Variants in GRIN2A observed in about 807,000 individuals in gnomAD.
GRIN2A encodes the protein glutamate receptor ionotropic, NMDA 2A.
Under a neutral mutation model 113.4 loss-of-function variants are expected in GRIN2A, and 22 were observed. That is an observed-to-expected ratio of 0.19 (90% CI 0.14 to 0.28). The LOEUF is 0.28. Ranked by LOEUF, GRIN2A falls within the 10% of genes least tolerant of loss-of-function variation. The pLI is 1.00. For synonymous variants in GRIN2A, 827 were observed against 738.4 expected, an observed-to-expected ratio of 1.12 and a Z score of -1.94; for missense variants, 1,502 against 1,887.0, an observed-to-expected ratio of 0.80 and a Z score of 3.78.
intron 2 of GRIN2A, among the ~76,000 whole-genome samples, chr16:10,016,797 C>G (rs766174089): frequency 6.6e-6 from 1 of 152,206 alleles, no homozygotes; most frequent in African/African-American, 2.4e-5. Flanking sequence ...GGGCACCATC[C>G]CACTACCCCT....
intron 2 of GRIN2A, among the ~76,000 whole-genome samples, chr16:10,068,285 T>C (rs2047686345): frequency 6.6e-6 from 1 of 152,206 alleles, no homozygotes; most frequent in South Asian, 2.1e-4. Context: ...TATAAAGAAA[T>C]ACCTCAGACT....
intron 2 of GRIN2A, among the ~76,000 whole-genome samples, chr16:10,011,497 A>C (rs1482642687): frequency 6.6e-6 from 1 of 152,124 alleles, no homozygotes; most frequent in African/African-American, 2.4e-5. Flanking sequence ...ACCCAAATCA[A>C]CCACTCATTC....
intron 2 of GRIN2A, among the ~76,000 whole-genome samples, chr16:10,120,381 A>G (rs527595453): frequency 6.6e-6 from 1 of 152,292 alleles, no homozygotes; most frequent in South Asian, 2.1e-4. Flanking sequence ...TGCCAAGGTT[A>G]AATCTTGATA....
rs1403674919 is a variant in GRIN2A at position 10,125,648 on chromosome 16, AG to A, written c.414+54349del. ...GGTGGGAGGAAAAAAAAAAAAAAAAAGACTGTTCCGAGTCTCCCCTCCCTGG... is the reference window on the plus strand; with the variant it reads ...GGTGGGAGGAAAAAAAAAAAAAAAAAACTGTTCCGAGTCTCCCCTCCCTGG... On this transcript the variant is annotated intron_variant, in intron 2 of 12. Transcript: ENST00000330684. Among the ~76,000 whole-genome samples the A allele has an allele frequency of 2.9e-4, 19 of 66,544 alleles. 1 individual carries two copies. The South Asian group carries it at 0.014, about 48-fold the overall frequency. The allele number at this position is 66,544 out of a possible 152,430, so 43.7% of individuals were successfully genotyped here. A position where few individuals can be genotyped will look rare whatever the true frequency, so the allele number is the denominator to read the frequency against.
At chr16:10,096,559 C>CACACACACAA (rs1555478925) in intron 2 of GRIN2A, among the ~76,000 whole-genome samples, 2 of 151,580 alleles carry the variant, frequency 1.3e-5, no homozygotes, top group African/African-American at 4.9e-5. Context: ...CACACACACA[C>CACACACACAA]ACACACACAC....
intron 2 of GRIN2A, among the ~76,000 whole-genome samples, chr16:10,137,365 C>G (rs2049217477): frequency 6.6e-6 from 1 of 152,206 alleles, no homozygotes; most frequent in Non-Finnish European, 1.5e-5. Flanking sequence ...TCTAAAGTCA[C>G]ATTCTTGCCC....
intron 2 of GRIN2A, among the ~76,000 whole-genome samples, chr16:9,959,949 G>A (rs918681188): frequency 1.3e-5 from 2 of 152,160 alleles, no homozygotes; most frequent in South Asian, 2.1e-4. Flanking sequence ...CTCCAGCCTC[G>A]GTGACAGAGC....
chr16:10,008,179 T>G (rs2046438575), intron 2 of GRIN2A, among the ~76,000 whole-genome samples: 1 of 152,060 alleles, frequency 6.6e-6, no homozygotes, highest in Admixed American at 6.6e-5. Flanking sequence ...GGCTCCTGCT[T>G]CTAAGAGAGG....
chr16:9,953,723 G>A (rs1472001965), intron 2 of GRIN2A, among the ~76,000 whole-genome samples: 6 of 152,168 alleles, frequency 3.9e-5, no homozygotes, highest in East Asian at 1.9e-4. Context: ...TAGAAGCCAC[G>A]GGAGTAGAGA....
chr16:10,041,971 C>A (rs1012557435), intron 2 of GRIN2A, among the ~76,000 whole-genome samples: 2 of 152,136 alleles, frequency 1.3e-5, no homozygotes, highest in African/African-American at 4.8e-5. Context: ...TCCCTTTACA[C>A]CATAATTAGC....
At chr16:10,018,871 ACAG>A (rs2046660747) in intron 2 of GRIN2A, among the ~76,000 whole-genome samples, 1 of 152,234 alleles carries the variant, frequency 6.6e-6, no homozygotes, top group South Asian at 2.1e-4. Flanking sequence ...CCCCAGAGTT[ACAG>A]CTCCACCTTC....
At chr16:10,178,832 T>G (rs547465302) in intron 2 of GRIN2A, among the ~76,000 whole-genome samples, 44 of 152,204 alleles carry the variant, frequency 2.9e-4, no homozygotes, top group Non-Finnish European at 5.9e-4. Context: ...AGTGAATGTC[T>G]GCTCACTCCA....
Position 9,946,489 on chromosome 16 carries a change from G to C in GRIN2A, c.415-7938C>G, listed in dbSNP as rs1293687538. Among the ~76,000 whole-genome samples the C allele has an allele frequency of 3.9e-5, 6 of 152,284 alleles. No individual in the cohort carries two copies. The South Asian group carries it at 8.3e-4, about 21-fold the overall frequency. On this transcript the variant is annotated intron_variant, in intron 2 of 12. Coordinates refer to ENST00000330684, the MANE Select transcript of GRIN2A (RefSeq NM_001134407.3). ...TGTGCCTCTGAAACTATTTTCTTCA[G>C]ATCCCTTTTTTTTCATGAAGCATGG...
intron 2 of GRIN2A, among the ~76,000 whole-genome samples, chr16:10,146,962 C>G (rs560088489): frequency 6.6e-6 from 1 of 152,206 alleles, no homozygotes; most frequent in Non-Finnish European, 1.5e-5. Context: ...AATTGGAAAT[C>G]CTGAATCTCA....
At chr16:9,964,527 G>T (rs1047395629) in intron 2 of GRIN2A, among the ~76,000 whole-genome samples, 1 of 152,124 alleles carries the variant, frequency 6.6e-6, no homozygotes, top group Non-Finnish European at 1.5e-5. Flanking sequence ...AATGGGTCTC[G>T]CTGGACTAAA....
At chr16:9,838,213 T>TA (rs2042614101) in intron 7 of GRIN2A, among the ~76,000 whole-genome samples, 2 of 152,192 alleles carry the variant, frequency 1.3e-5, no homozygotes, top group Admixed American at 6.5e-5. Flanking sequence ...TAGTTGACTT[T>TA]AATATAACTG....
intron 3 of GRIN2A, among the ~76,000 whole-genome samples, chr16:9,910,537 C>CTTTTTTTTTTTTTTTTTTTT (rs35352418): frequency 8.1e-6 from 1 of 123,286 alleles, no homozygotes. Context: ...TCTCAGAGTT[C>CTTTTTTTTTTTTTTTTTTTT]TTTTTTTTTT....
chr16:9,874,027 C>T (rs943248055), intron 4 of GRIN2A, among the ~76,000 whole-genome samples: 6 of 152,160 alleles, frequency 3.9e-5, no homozygotes, highest in Non-Finnish European at 5.9e-5. Context: ...TAAGGGAATA[C>T]GAGTTGATTC....
intron 2 of GRIN2A, among the ~76,000 whole-genome samples, chr16:9,963,430 C>T (rs987714123): frequency 5.3e-5 from 8 of 152,048 alleles, no homozygotes; most frequent in African/African-American, 1.9e-4. Flanking sequence ...TCTCCCTCCT[C>T]TTGCCCCCCA....
Sources: allele counts gnomAD v4.1 joint callset (sites outside exome capture counted in the v4.1 genomes callset), GRCh38; gene constraint gnomAD v4.1.1; transcripts MANE v1.5; gene names NCBI Gene and HGNC (gene_info 2026-07-23, HGNC 2026-07-21).